The following C4orf17 variants were observed in gnomAD, a reference collection of about 807,000 sequenced individuals.
The protein encoded by C4orf17 is uncharacterized protein C4orf17.
Under a neutral mutation model 32.0 loss-of-function variants are expected in C4orf17, and 25 were observed. That is an observed-to-expected ratio of 0.78 (90% CI 0.57 to 1.09). The LOEUF (loss-of-function observed/expected upper bound fraction) is 1.09, where lower values mean the gene tolerates loss of function less well. Ranked by LOEUF, C4orf17 falls within the 50% of genes least tolerant of loss-of-function variation. The probability of loss-of-function intolerance (pLI) is 0.00; values close to 1 mark genes in which losing one functional copy is unlikely to be tolerated. For synonymous variants in C4orf17, 149 were observed against 145.8 expected (o/e 1.02, Z -0.16); for missense variants, 420 against 420.0 (o/e 1.00, Z 0.00).
At chr4:99,529,471 C>A (rs1018367590) in intron 4 of C4orf17, among the ~76,000 whole-genome samples, 1 of 152,136 alleles carries the variant, frequency 6.6e-6, no homozygotes, top group Non-Finnish European at 1.5e-5. Context: ...CTTTTCCTGG[C>A]CATAAAAGAG....
intron 2 of C4orf17, among the ~76,000 whole-genome samples, chr4:99,517,734 G>T (rs1723211348): frequency 6.6e-6 from 1 of 152,140 alleles, no homozygotes; most frequent in African/African-American, 2.4e-5. Flanking sequence ...GTACTGGGAT[G>T]CTAGGCAAAC....
chr4:99,522,453 A>C (rs1723304769), intron 2 of C4orf17, 47 bp from the exon 3 acceptor site: 2 of 1,420,946 alleles, frequency 1.4e-6, no homozygotes, highest in Non-Finnish European at 2.0e-6. Flanking sequence ...CCAAACATCT[A>C]ATCTGGTTGC....
intron 5 of C4orf17, among the ~76,000 whole-genome samples, chr4:99,533,834 G>A (rs1723516186): frequency 6.6e-6 from 1 of 152,100 alleles, no homozygotes; most frequent in South Asian, 2.1e-4. Context: ...CTTCAATTCA[G>A]ACCCCAGAAA....
In C4orf17 at chr4:99,538,424, T is replaced by A. The variant is rs1723594788; in HGVS notation, c.628+674T>A. ...ATGCTGATAATGCTGGTCTCAGCACTACTCTTTGAGAATCACTGCACTGAT... is the reference window on the plus strand; with the variant it reads ...ATGCTGATAATGCTGGTCTCAGCACAACTCTTTGAGAATCACTGCACTGAT... On this transcript the variant is annotated intron_variant, in intron 6 of 8. Transcript: ENST00000326581. Among the ~76,000 whole-genome samples the A allele has an allele frequency of 2.0e-5, 3 of 152,218 alleles. No homozygotes were observed. In the South Asian group the frequency reaches 6.2e-4, roughly 31 times the overall value.
chr4:99,513,733 T>C (rs1041749347), intron 2 of C4orf17, among the ~76,000 whole-genome samples: 1 of 152,094 alleles, frequency 6.6e-6, no homozygotes, highest in Non-Finnish European at 1.5e-5. Context: ...TTTAACTTTA[T>C]ACAGTAGAAT....
intron 5 of C4orf17, among the ~76,000 whole-genome samples, chr4:99,533,004 A>C (rs977349440): frequency 4.6e-5 from 7 of 152,204 alleles, no homozygotes; most frequent in African/African-American, 1.7e-4. Flanking sequence ...ATTTAAAACA[A>C]CGAACAACAA....
intron 8 of C4orf17, 93 bp downstream of exon 8, chr4:99,540,548 T>TA (rs1578197564): frequency 7.6e-6 from 6 of 791,512 alleles, no homozygotes; most frequent in South Asian, 1.6e-5. Context: ...TCAGTGCTTT[T>TA]AAAAAAACAG....
At chr4:99,537,010 A>G (rs575807675) in intron 5 of C4orf17, among the ~76,000 whole-genome samples, 1 of 152,202 alleles carries the variant, frequency 6.6e-6, no homozygotes, top group African/African-American at 2.4e-5. Context: ...ACTAGGGACA[A>G]TAGAGGCTTC....
intron 2 of C4orf17, among the ~76,000 whole-genome samples, chr4:99,520,101 T>C (rs68017653): frequency 0.063 from 9,586 of 151,582 alleles, 547 homozygotes; most frequent in South Asian, 0.16. Flanking sequence ...TTTTTTTTTT[T>C]TTTTTTGAGA....
intron 1 of C4orf17, among the ~76,000 whole-genome samples, chr4:99,511,486 C>T (rs1329027483): frequency 6.6e-6 from 1 of 151,182 alleles, no homozygotes; most frequent in Admixed American, 6.6e-5. Context: ...TGATGTGGGA[C>T]AGACACATAC....
chr4:99,526,054 G>A (rs1448970653), intron 4 of C4orf17, among the ~76,000 whole-genome samples: 1 of 152,106 alleles, frequency 6.6e-6, no homozygotes, highest in Non-Finnish European at 1.5e-5. Flanking sequence ...GAAATGATGA[G>A]GGCAGACATC....
chr4:99,519,679 A>C (rs184958198), intron 2 of C4orf17, among the ~76,000 whole-genome samples: 2 of 152,344 alleles, frequency 1.3e-5, no homozygotes, highest in Admixed American at 6.5e-5. Flanking sequence ...AATTGATTTC[A>C]TTCAAAAGAT....
At chr4:99,529,012 G>C (rs1300220120) in intron 4 of C4orf17, among the ~76,000 whole-genome samples, 1 of 152,096 alleles carries the variant, frequency 6.6e-6, no homozygotes, top group Non-Finnish European at 1.5e-5. Context: ...CCATAACAAA[G>C]TCTGTATAAT....
chr4:99,535,172 T>C (rs1302377932), intron 5 of C4orf17, among the ~76,000 whole-genome samples: 1 of 152,152 alleles, frequency 6.6e-6, no homozygotes, highest in Non-Finnish European at 1.5e-5. Flanking sequence ...CTTAATGTTT[T>C]TTCTTCCGTT....
intron 6 of C4orf17, among the ~76,000 whole-genome samples, chr4:99,538,318 T>A (rs901386286): frequency 6.6e-6 from 1 of 152,162 alleles, no homozygotes; most frequent in African/African-American, 2.4e-5. Flanking sequence ...GATCCTCAAA[T>A]GTAGTTGATC....
At position 99,512,975 on chromosome 4, in the gene C4orf17, T is replaced by G; in HGVS notation, c.-93-14T>G. The stretch of plus-strand genomic sequence containing the variant: ...GAAACTCTTGTCAGAATGTTTGTCA[T>G]TTTGTGATTTCAGGGTCTGAGCACA... On this transcript the variant is annotated splice_polypyrimidine_tract_variant and intron_variant, in intron 1 of 8. Transcript: ENST00000326581. The G allele has an allele frequency of 9.1e-7, 1 of 1,094,502 alleles. No individual in the cohort carries two copies. 67.8% of individuals were successfully genotyped at this position (1,094,502 alleles called of 1,614,324 possible).
intron 8 of C4orf17, 67 bp from the exon 9 acceptor site, chr4:99,541,843 A>C: frequency 8.7e-7 from 1 of 1,145,604 alleles, no homozygotes. Context: ...ATTTACTACT[A>C]AAACATGGAG....
intron 2 of C4orf17, among the ~76,000 whole-genome samples, chr4:99,520,340 C>T (rs1170434629): frequency 1.3e-5 from 2 of 152,154 alleles, no homozygotes. Flanking sequence ...CGTGATCCGC[C>T]CGCCTCAGCC....
intron 5 of C4orf17, among the ~76,000 whole-genome samples, chr4:99,530,544 A>G (rs1473003328): frequency 1.3e-5 from 2 of 152,062 alleles, no homozygotes; most frequent in Non-Finnish European, 2.9e-5. Context: ...CCTTCTTTTA[A>G]TCTCTTTGGT....
Sources: gnomAD v4.1 joint callset for allele counts (sites outside exome capture counted in the v4.1 genomes callset) on GRCh38, gnomAD v4.1.1 for gene constraint, MANE v1.5 for transcripts, NCBI Gene and HGNC (gene_info 2026-07-23, HGNC 2026-07-21) for gene names.